The following DLC1 variants were observed in gnomAD, a reference collection of about 807,000 sequenced individuals.
DLC1 encodes the protein DLC1 Rho GTPase activating protein, also known as rho GTPase-activating protein 7.
A neutral mutation model predicts 140.3 loss-of-function variants in DLC1; 54 were observed. The ratio of observed to expected loss-of-function variants is 0.38; its 90% CI spans 0.31 to 0.48. The LOEUF is 0.48. Among genes scored for constraint, DLC1 ranks in the 20% least tolerant of loss-of-function variants. The pLI, the probability that DLC1 is intolerant of heterozygous loss-of-function variation, is 0.96. For missense variants in DLC1, 2,536 were observed against 1,907.0 expected (o/e 1.33, Z -6.14); for synonymous variants, 986 against 728.1 (o/e 1.35, Z -5.70).
intron 1 of DLC1, among the ~76,000 whole-genome samples, chr8:13,580,932 T>C (rs557210306): frequency 2.0e-5 from 3 of 152,310 alleles, no homozygotes; most frequent in East Asian, 1.9e-4. Flanking sequence ...CAGCATGAAC[T>C]GAGTCTTGCA....
chr8:13,199,210 G>T (rs1827240977), intron 5 of DLC1, among the ~76,000 whole-genome samples: 1 of 96,814 alleles, frequency 1.0e-5, no homozygotes, highest in East Asian at 3.3e-4. Flanking sequence ...TTTGAGACAA[G>T]ATCTTGCTGT....
In DLC1 at chr8:13,099,397, G is replaced by A. The variant is rs748594433; in HGVS notation, c.2940C>T (p.Ile980=). The A allele has an allele frequency of 1.2e-6, 2 of 1,614,086 alleles. No individual in the cohort carries two copies. Among genetic ancestry groups the A allele is most frequent in the Non-Finnish European group, 8.5e-7 (1 of 1,180,014 alleles). ...SLNEPEEPSE[I]PERRDSGVGA... ...CAACCCCAGAATCCCTTCTTTCCGGGATCTCGGAGGGCTCTTCCGGTTCAT... is the reference window on the plus strand; with the variant it reads ...CAACCCCAGAATCCCTTCTTTCCGGAATCTCGGAGGGCTCTTCCGGTTCAT... Residue 980 remains isoleucine (I), a synonymous_variant, in exon 9 of 18, where the codon ATC becomes ATT. Coordinates refer to ENST00000276297, the MANE Select transcript of DLC1 (RefSeq NM_182643.3).
chr8:13,114,801 T>C (rs1820411130), intron 6 of DLC1, among the ~76,000 whole-genome samples: 1 of 152,214 alleles, frequency 6.6e-6, no homozygotes, highest in Non-Finnish European at 1.5e-5. Flanking sequence ...AAAATCTCTA[T>C]ATCATTTTAT....
chr8:13,504,416 C>T (rs530345980), intron 1 of DLC1, among the ~76,000 whole-genome samples: 11 of 152,284 alleles, frequency 7.2e-5, no homozygotes, highest in Admixed American at 5.9e-4. Context: ...TGAGCCACCG[C>T]GCCCGGCCTT....
intron 2 of DLC1, among the ~76,000 whole-genome samples, chr8:13,421,870 A>G (rs865802462): frequency 6.6e-6 from 1 of 152,072 alleles, no homozygotes; most frequent in African/African-American, 2.4e-5. Flanking sequence ...AGGGAACAGA[A>G]ATTTTTCTTT....
chr8:13,276,320 G>T, intron 5 of DLC1: 1 of 1,533,016 alleles, frequency 6.5e-7, no homozygotes, highest in Non-Finnish European at 8.7e-7. Context: ...TGGCCGTGGA[G>T]TCCCTGATGT....
rs546892119 is a variant in DLC1, at chr8:13,270,812, G to A, written c.1348+34457C>T. Among the ~76,000 whole-genome samples the A allele has an allele frequency of 6.6e-5, 10 of 152,244 alleles. No homozygotes were observed. The East Asian group carries it at 1.9e-3, about 29-fold the overall frequency. On this transcript the variant is annotated intron_variant, in intron 5 of 17. Coordinates refer to ENST00000276297, the MANE Select transcript of DLC1 (RefSeq NM_182643.3). ...ATTATAGAGGTGTCATGCTAACAAG[G>A]TGAAGGCCCTCAGGAAGTAGGGTAT... is the stretch of plus-strand genomic sequence containing the variant.
intron 5 of DLC1, among the ~76,000 whole-genome samples, chr8:13,239,046 T>G (rs1204813320): frequency 6.6e-6 from 1 of 152,140 alleles, no homozygotes; most frequent in Non-Finnish European, 1.5e-5. Context: ...GAATATACAA[T>G]CACTTGGTTT....
chr8:13,516,953 T>C (rs1179573085), upstream of DLC1, among the ~76,000 whole-genome samples: 6 of 152,320 alleles, frequency 3.9e-5, no homozygotes, highest in South Asian at 1.2e-3. Flanking sequence ...CTCCATAAAC[T>C]GCCTTCCTTG....
intron 2 of DLC1, among the ~76,000 whole-genome samples, chr8:13,467,489 T>C (rs1434257501): frequency 1.3e-5 from 2 of 151,930 alleles, no homozygotes; most frequent in Non-Finnish European, 2.9e-5. Context: ...GGACTGGATA[T>C]AGTGGCTCAC....
chr8:13,577,297 C>A (rs1167131039), intron 1 of DLC1, among the ~76,000 whole-genome samples: 1 of 152,112 alleles, frequency 6.6e-6, no homozygotes, highest in Non-Finnish European at 1.5e-5. Context: ...CTTACCAAGC[C>A]TATTTTACAT....
chr8:13,210,724 C>T (rs1053888519), intron 5 of DLC1, among the ~76,000 whole-genome samples: 8 of 152,118 alleles, frequency 5.3e-5, no homozygotes, highest in African/African-American at 1.9e-4. Context: ...TTAGGTTTTC[C>T]ACTTTCAGTG....
At chr8:13,219,394 ATTATAC>A (rs1247531167) in intron 5 of DLC1, among the ~76,000 whole-genome samples, 9 of 142,664 alleles carry the variant, frequency 6.3e-5, no homozygotes, top group Non-Finnish European at 1.4e-4. Context: ...ATTTCATATA[ATTATAC>A]TTATATAATT....
intron 5 of DLC1, chr8:13,133,214 C>A (rs1160008073): frequency 3.6e-5 from 51 of 1,418,972 alleles, no homozygotes; most frequent in Non-Finnish European, 4.5e-5. Context: ...CGTGAGCCGG[C>A]GCTCCTGATG....
Position 13,375,374 on chromosome 8 carries a change from T to G in DLC1, c.1314+18179A>C, listed in dbSNP as rs1028023832. Among the ~76,000 whole-genome samples, 187 of 152,296 alleles carry G rather than the reference T, an allele frequency of 1.2e-3. 1 individual carries two copies. Among genetic ancestry groups the G allele is most frequent in the African/African-American group, 4.4e-3 (182 of 41,590 alleles). On this transcript the variant is annotated intron_variant, in intron 4 of 17. Coordinates refer to ENST00000276297, the MANE Select transcript of DLC1 (RefSeq NM_182643.3). ...CATTGATTTTGTATCCTGAGAATTTTCTGAAGTTGCTTATGAGCTTAAGGA... is the reference window on the plus strand; with the variant it reads ...CATTGATTTTGTATCCTGAGAATTTGCTGAAGTTGCTTATGAGCTTAAGGA...
chr8:13,248,310 C>T (rs1829851709), intron 5 of DLC1, among the ~76,000 whole-genome samples: 2 of 152,170 alleles, frequency 1.3e-5, no homozygotes, highest in African/African-American at 4.8e-5. Context: ...ACTTGGCTTC[C>T]CCCTTAGCAA....
intron 5 of DLC1, among the ~76,000 whole-genome samples, chr8:13,256,879 T>TA (rs570193249): frequency 0.15 from 15,797 of 105,044 alleles, 1,201 homozygotes; most frequent in African/African-American, 0.23. Flanking sequence ...TCCCAGAACT[T>TA]AAAAAAAAAA....
intron 5 of DLC1, among the ~76,000 whole-genome samples, chr8:13,171,219 T>C (rs1451730285): frequency 6.6e-6 from 1 of 152,208 alleles, no homozygotes; most frequent in Non-Finnish European, 1.5e-5. Flanking sequence ...TCACGGGTTT[T>C]GATTAAGGAC....
At chr8:13,183,032 C>T (rs531365518) in intron 5 of DLC1, among the ~76,000 whole-genome samples, 1 of 152,240 alleles carries the variant, frequency 6.6e-6, no homozygotes, top group South Asian at 2.1e-4. Flanking sequence ...AGAGGTGCTT[C>T]GCATCCCTTG....
Sources: allele counts gnomAD v4.1 joint callset (sites outside exome capture counted in the v4.1 genomes callset), GRCh38; gene constraint gnomAD v4.1.1; transcripts MANE v1.5; gene names NCBI Gene and HGNC (gene_info 2026-07-23, HGNC 2026-07-21).